The following UBR1 variants were observed in gnomAD, a reference collection of about 807,000 sequenced individuals.
UBR1 encodes E3 ubiquitin-protein ligase UBR1.
A neutral mutation model predicts 242.1 loss-of-function variants in UBR1; 102 were observed. That is an observed-to-expected ratio of 0.42 (90% CI 0.36 to 0.50). UBR1 has a LOEUF of 0.50. Among genes scored for constraint, UBR1 ranks in the 20% least tolerant of loss-of-function variants. The probability of loss-of-function intolerance (pLI) is 0.01; values close to 1 mark genes in which losing one functional copy is unlikely to be tolerated. For synonymous variants in UBR1, 675 were observed against 684.8 expected, an observed-to-expected ratio of 0.99 and a Z score of 0.22; for missense variants, 1,772 against 2,101.8, an observed-to-expected ratio of 0.84 and a Z score of 3.07.
intron 34 of UBR1, 68 bp from the exon 35 acceptor site, chr15:42,989,035 G>C (rs2032517408): frequency 1.7e-5 from 23 of 1,350,226 alleles, no homozygotes; most frequent in Non-Finnish European, 2.3e-5. Context: ...GTCCAATTAA[G>C]TCCTGAAGCA....
chr15:42,951,193 T>G (rs1449071899), intron 45 of UBR1, among the ~76,000 whole-genome samples: 2 of 152,218 alleles, frequency 1.3e-5, no homozygotes, highest in Non-Finnish European at 2.9e-5. Context: ...TGCAGGCAAC[T>G]TAAACTCTTT....
At chr15:42,950,086 G>A (rs2031805614) in intron 46 of UBR1, among the ~76,000 whole-genome samples, 176 bp downstream of exon 46, 1 of 152,034 alleles carries the variant, frequency 6.6e-6, no homozygotes, top group East Asian at 1.9e-4. Flanking sequence ...TGATCTGCCT[G>A]CTTCGGCCTC....
intron 15 of UBR1, among the ~76,000 whole-genome samples, chr15:43,039,001 T>G (rs2033378811): frequency 6.6e-6 from 1 of 151,784 alleles, no homozygotes. Flanking sequence ...TTATTTTTAT[T>G]AAAAAGGTAC....
rs369474344 is a variant in UBR1 at position 42,987,680 on chromosome 15, T to G, written c.3997+1139A>C. Among the ~76,000 whole-genome samples, 92 of 118,734 alleles carry G rather than the reference T, an allele frequency of 7.7e-4. 1 individual carries two copies. In the East Asian group the frequency reaches 0.019, roughly 25 times the overall value. The allele number at this position is 118,734 out of a possible 152,430, so 77.9% of individuals were successfully genotyped here. ...GGTGGCCGAGATTGTGCCACTGCAC[T>G]CCAGTCTGCCAATAGAGCGAGACTC... On this transcript the variant is annotated intron_variant, in intron 35 of 46. Coordinates refer to ENST00000290650, the MANE Select transcript of UBR1 (RefSeq NM_174916.3).
At chr15:43,047,396 T>C in intron 13 of UBR1, 107 bp from the exon 14 acceptor site, 1 of 1,533,514 alleles carries the variant, frequency 6.5e-7, no homozygotes, top group Non-Finnish European at 9.0e-7. Context: ...AACATGGTTG[T>C]TACACTGGGT....
chr15:43,031,399 A>G (rs2033255758), intron 20 of UBR1, among the ~76,000 whole-genome samples: 1 of 152,190 alleles, frequency 6.6e-6, no homozygotes, highest in Non-Finnish European at 1.5e-5. Flanking sequence ...AAATGCAAAA[A>G]TTTCCCTTGA....
intron 29 of UBR1, chr15:43,011,942 A>G (rs1411512913): frequency 2.2e-6 from 1 of 453,142 alleles, no homozygotes; most frequent in East Asian, 7.0e-5. Context: ...AATCTACATT[A>G]TAGGCCGGGC....
intron 1 of UBR1, among the ~76,000 whole-genome samples, chr15:43,103,156 G>T (rs1159080122): frequency 6.6e-6 from 1 of 152,130 alleles, no homozygotes; most frequent in Non-Finnish European, 1.5e-5. Flanking sequence ...TGATGGAGTA[G>T]GACTCTGTCT....
At chr15:43,065,692 C>T (rs1224363415) in intron 6 of UBR1, among the ~76,000 whole-genome samples, 3 of 152,104 alleles carry the variant, frequency 2.0e-5, no homozygotes, top group Non-Finnish European at 4.4e-5. Context: ...TAATCTTGTT[C>T]CTTTTTATGG....
intron 1 of UBR1, 50 bp downstream of exon 1, chr15:43,105,892 T>G (rs780347943): frequency 2.6e-6 from 4 of 1,564,594 alleles, no homozygotes; most frequent in South Asian, 2.2e-5. Flanking sequence ...CTAAGCGCAG[T>G]AGGGAGGGAC....
intron 27 of UBR1, among the ~76,000 whole-genome samples, chr15:43,018,228 C>T (rs1310101001): frequency 6.6e-6 from 1 of 152,212 alleles, no homozygotes; most frequent in Admixed American, 6.5e-5. Flanking sequence ...GTCTCGATCT[C>T]CTGACCTCAT....
At chr15:42,961,182 C>T (rs2032012583) in intron 42 of UBR1, among the ~76,000 whole-genome samples, 1 of 148,924 alleles carries the variant, frequency 6.7e-6, no homozygotes, top group South Asian at 2.1e-4. Flanking sequence ...TGGTGATCTC[C>T]ACTCACTGCA....
At chr15:43,105,849 G>C (rs1262069984) in intron 1 of UBR1, 93 bp downstream of exon 1, 34 of 1,271,388 alleles carry the variant, frequency 2.7e-5, no homozygotes, top group Non-Finnish European at 3.8e-5. Context: ...CCCCTCCCCA[G>C]AGCCGCCATA....
rs2033813810 is a variant in UBR1 at position 43,070,660 on chromosome 15, T to A, written c.659+135A>T. ...TCATACAAACGGACATTTTGAAATA[T>A]TCCCAAGAGATAAGTCACTAAGAAT... On this transcript the variant is annotated intron_variant, in intron 5 of 46. Transcript: ENST00000290650. 1.4e-5 allele frequency: 19 copies of A among 1,359,418 alleles called. No homozygotes were observed. In the Middle Eastern group the frequency reaches 7.9e-4, roughly 56 times the overall value. 84.2% of individuals were successfully genotyped at this position (1,359,418 alleles called of 1,614,324 possible).
intron 12 of UBR1, 47 bp from the exon 13 acceptor site, chr15:43,048,538 A>G: frequency 6.7e-7 from 1 of 1,490,594 alleles, no homozygotes; most frequent in South Asian, 1.2e-5. Context: ...CTATTTTGAG[A>G]TAATTTTAAG....
intron 15 of UBR1, among the ~76,000 whole-genome samples, chr15:43,040,615 G>A (rs1184011808): frequency 6.6e-6 from 1 of 152,116 alleles, no homozygotes; most frequent in Non-Finnish European, 1.5e-5. Context: ...CAATTAAAGA[G>A]CTTCTGCACA....
intron 33 of UBR1, among the ~76,000 whole-genome samples, chr15:42,995,096 G>A (rs1248267860): frequency 6.6e-6 from 1 of 151,902 alleles, no homozygotes; most frequent in African/African-American, 2.4e-5. Context: ...TTCTTTAGAC[G>A]GTCACAGAGG....
At chr15:42,983,858 A>G (rs778285304) in intron 37 of UBR1, 39 bp downstream of exon 37, 9 of 1,214,542 alleles carry the variant, frequency 7.4e-6, no homozygotes, top group Non-Finnish European at 3.3e-6. Context: ...AGATATATAA[A>G]TAATATAATA....
chr15:42,971,481 T>G (rs2032206842), intron 39 of UBR1, among the ~76,000 whole-genome samples: 1 of 152,208 alleles, frequency 6.6e-6, no homozygotes, highest in Admixed American at 6.5e-5. Context: ...ACCTTGTAGT[T>G]TGCTGTGAGG....
Sources: gnomAD v4.1 joint callset for allele counts (sites outside exome capture counted in the v4.1 genomes callset) on GRCh38, gnomAD v4.1.1 for gene constraint, MANE v1.5 for transcripts, NCBI Gene and HGNC (gene_info 2026-07-23, HGNC 2026-07-21) for gene names.